Variants in STK33 observed in about 807,000 individuals in gnomAD.
STK33 encodes serine/threonine kinase 33.
In STK33, 52 loss-of-function variants were observed where a neutral mutation model predicts 58.0. That is an observed-to-expected ratio of 0.90 (90% CI 0.72 to 1.13). STK33 has a LOEUF of 1.13. Ranked by LOEUF, STK33 falls within the 50% of genes most tolerant of loss-of-function variation. The pLI is 0.00. For missense variants in STK33, 630 were observed against 604.2 expected (o/e 1.04, Z -0.45); for synonymous variants, 215 against 200.1 (o/e 1.07, Z -0.63).
chr11:8,468,027 A>G (rs1463596819), intron 6 of STK33, among the ~76,000 whole-genome samples: 1 of 152,044 alleles, frequency 6.6e-6, no homozygotes, highest in Non-Finnish European at 1.5e-5. Flanking sequence ...GTATTAGTCC[A>G]TTTTCACACT....
chr11:8,373,752 G>A, the STK33 span, among the ~76,000 whole-genome samples: 1 of 152,186 alleles, frequency 6.6e-6, no homozygotes, highest in Non-Finnish European at 1.5e-5. Flanking sequence ...GGGGCGTGGA[G>A]TTCCTGGAAG....
chr11:8,530,905 C>T (rs1565288588), intron 1 of STK33, among the ~76,000 whole-genome samples: 2 of 149,892 alleles, frequency 1.3e-5, no homozygotes, highest in African/African-American at 2.5e-5. Context: ...TGGCCAGGCT[C>T]GTCTTGAGCT....
intron 1 of STK33, among the ~76,000 whole-genome samples, chr11:8,576,852 CA>C (rs1415193802): frequency 2.0e-5 from 3 of 152,188 alleles, no homozygotes; most frequent in Admixed American, 6.5e-5. Flanking sequence ...AAGCAAGTGA[CA>C]GATGTTCCAG....
At chr11:8,554,506 G>A (rs1956591583) in intron 1 of STK33, among the ~76,000 whole-genome samples, 1 of 151,166 alleles carries the variant, frequency 6.6e-6, no homozygotes, top group African/African-American at 2.4e-5. Flanking sequence ...TGAAAACAAT[G>A]TTCAATATCA....
Position 8,577,013 on chromosome 11 carries a change from G to A in STK33, c.-466+17070C>T, listed in dbSNP as rs552943271. On this transcript the variant is annotated intron_variant, in intron 1 of 15. Transcript: ENST00000687296. ...GATCCTCCTGTCTTAGCCTCCCAACGTGCTGGGACTACAGGCATGAGTCAC... is the reference window on the plus strand; with the variant it reads ...GATCCTCCTGTCTTAGCCTCCCAACATGCTGGGACTACAGGCATGAGTCAC... Among the ~76,000 whole-genome samples, 262 of 152,170 alleles carry A rather than the reference G, an allele frequency of 1.7e-3. 1 individual carries two copies. Among genetic ancestry groups the A allele is most frequent in the African/African-American group, 6.1e-3 (254 of 41,532 alleles).
the STK33 span, among the ~76,000 whole-genome samples, chr11:8,373,924 A>AG: frequency 6.6e-6 from 1 of 152,220 alleles, no homozygotes. Context: ...CCAAGTGTTC[A>AG]GGTGCCTTCC....
chr11:8,513,293 C>A (rs938334037), intron 1 of STK33, among the ~76,000 whole-genome samples: 3 of 152,176 alleles, frequency 2.0e-5, no homozygotes, highest in African/African-American at 7.2e-5. Flanking sequence ...CATCACAATA[C>A]TGCTAATTCC....
At chr11:8,360,962 C>A in the STK33 span, among the ~76,000 whole-genome samples, 24 of 152,212 alleles carry the variant, frequency 1.6e-4, no homozygotes, top group Non-Finnish European at 2.8e-4. Flanking sequence ...TCTGCAAAAT[C>A]CCTCCACAGC....
chr11:8,580,636 G>T (rs568023495), intron 1 of STK33, among the ~76,000 whole-genome samples: 7 of 152,084 alleles, frequency 4.6e-5, no homozygotes, highest in Non-Finnish European at 8.8e-5. Context: ...TGGATTATTT[G>T]TAACACAAAG....
intron 15 of STK33, among the ~76,000 whole-genome samples, chr11:8,408,448 A>G (rs1453519107): frequency 6.6e-6 from 1 of 152,208 alleles, no homozygotes; most frequent in Admixed American, 6.5e-5. Context: ...AGCCTTATAC[A>G]AAAAGCTCTT....
intron 2 of STK33, among the ~76,000 whole-genome samples, chr11:8,479,580 C>T (rs1014158763): frequency 8.5e-5 from 13 of 152,112 alleles, no homozygotes; most frequent in East Asian, 1.9e-4. Flanking sequence ...CAGTGGTTCA[C>T]GCCTATAACC....
intron 14 of STK33, among the ~76,000 whole-genome samples, chr11:8,421,652 T>C (rs1426254154): frequency 6.6e-6 from 1 of 152,226 alleles, no homozygotes; most frequent in African/African-American, 2.4e-5. Flanking sequence ...ACTGAATATG[T>C]ATATCAATAC....
chr11:8,492,352 G>GATAT (rs1950690275), intron 1 of STK33, among the ~76,000 whole-genome samples: 1 of 151,980 alleles, frequency 6.6e-6, no homozygotes, highest in African/African-American at 2.4e-5. Context: ...GACAAAGAAG[G>GATAT]CCACTACATA....
intron 15 of STK33, among the ~76,000 whole-genome samples, chr11:8,411,133 T>C (rs1017355070): frequency 2.0e-5 from 3 of 152,204 alleles, no homozygotes; most frequent in Non-Finnish European, 4.4e-5. Flanking sequence ...GTCTATCCAG[T>C]AAAGCTGATA....
At position 8,446,619 on chromosome 11, in the gene STK33, T is replaced by G. The variant is rs551657624; in HGVS notation, c.872-5866A>C. 7.2e-5 allele frequency among the ~76,000 whole-genome samples: 11 copies of G among 152,078 alleles called. No homozygotes were observed. In the South Asian group the frequency reaches 1.2e-3, roughly 17 times the overall value. On this transcript the variant is annotated intron_variant, in intron 11 of 15. Coordinates refer to ENST00000687296, the MANE Select transcript of STK33 (RefSeq NM_001352389.2). ...AGCCTGGTACTGGTACCAAAACAGA[T>G]ATATAGACCAATGGAACAGAACAGA...
Position 8,440,901 on chromosome 11 carries a change from T to C in STK33, c.872-148A>G, listed in dbSNP as rs1056612917. ...CCAACAGCAGATCTTAAATGAATAA[T>C]GCACAGGCCTTAACAATTGATGTCA... On this transcript the variant is annotated intron_variant, in intron 11 of 15. Transcript: ENST00000687296. 3 of 712,338 alleles carry C rather than the reference T, an allele frequency of 4.2e-6. No homozygotes were observed. In the Admixed American group the frequency reaches 8.1e-5, roughly 19 times the overall value. The allele number at this position is 712,338 out of a possible 1,614,324, so 44.1% of individuals were successfully genotyped here.
At chr11:8,520,273 G>T (rs924770581) in intron 1 of STK33, among the ~76,000 whole-genome samples, 24 of 152,078 alleles carry the variant, frequency 1.6e-4, no homozygotes, top group African/African-American at 5.6e-4. Context: ...TGCAGAAAAG[G>T]CCTTTGACAA....
the STK33 span, among the ~76,000 whole-genome samples, chr11:8,386,525 T>C: frequency 6.6e-6 from 1 of 152,200 alleles, no homozygotes. Flanking sequence ...ACTGCCTCTC[T>C]TCTCCTGGGA....
At chr11:8,346,214 A>G in the STK33 span, among the ~76,000 whole-genome samples, 4 of 152,178 alleles carry the variant, frequency 2.6e-5, no homozygotes, top group Admixed American at 6.5e-5. Flanking sequence ...GGCAGGGGAG[A>G]AGCCACTGGA....
Sources: gnomAD v4.1 joint callset for allele counts (sites outside exome capture counted in the v4.1 genomes callset) on GRCh38, gnomAD v4.1.1 for gene constraint, MANE v1.5 for transcripts, NCBI Gene and HGNC (gene_info 2026-07-23, HGNC 2026-07-21) for gene names.